The following COG5 variants were observed in gnomAD, a reference collection of about 807,000 sequenced individuals.
COG5 encodes the protein conserved oligomeric Golgi complex subunit 5.
COG5 carries 86 observed loss-of-function variants against 110.4 expected under a neutral mutation model. The observed-to-expected ratio is 0.78, with a 90% confidence interval of 0.65 to 0.93. COG5 has a LOEUF of 0.93. Ranked by LOEUF, COG5 falls within the 40% of genes least tolerant of loss-of-function variation. The pLI, the probability that COG5 is intolerant of heterozygous loss-of-function variation, is 0.00. For missense variants in COG5, 1,077 were observed against 987.0 expected, an observed-to-expected ratio of 1.09 and a Z score of -1.22; for synonymous variants, 360 against 334.6, an observed-to-expected ratio of 1.08 and a Z score of -0.83.
At chr7:107,355,307 T>C (rs1812526413) in intron 10 of COG5, among the ~76,000 whole-genome samples, 1 of 152,212 alleles carries the variant, frequency 6.6e-6, no homozygotes. Context: ...TCTCTTTCTT[T>C]GCTAATGGGA....
At chr7:107,467,078 C>A (rs1796334729) in intron 6 of COG5, among the ~76,000 whole-genome samples, 6 of 152,084 alleles carry the variant, frequency 3.9e-5, no homozygotes, top group Admixed American at 3.9e-4. Context: ...AAAACAAATA[C>A]ATAAAATTAG....
intron 5 of COG5, among the ~76,000 whole-genome samples, chr7:107,536,744 C>A (rs566676501): frequency 1.3e-5 from 2 of 152,134 alleles, no homozygotes. Context: ...ACATTCTTCA[C>A]AGAATTAGAA....
chr7:107,561,077 TAAAG>T (rs1414486764), intron 1 of COG5, among the ~76,000 whole-genome samples: 1 of 151,950 alleles, frequency 6.6e-6, no homozygotes, highest in Non-Finnish European at 1.5e-5. Flanking sequence ...AAAGAAGGGA[TAAAG>T]AAAGTAAGTA....
intron 12 of COG5, among the ~76,000 whole-genome samples, chr7:107,296,556 A>G (rs1392448535): frequency 1.5e-5 from 2 of 137,272 alleles, no homozygotes; most frequent in Non-Finnish European, 3.2e-5. Flanking sequence ...TATCATGGCC[A>G]TTTATTTTGC....
intron 6 of COG5, among the ~76,000 whole-genome samples, chr7:107,418,877 C>G (rs752011603): frequency 1.3e-4 from 19 of 151,974 alleles, no homozygotes; most frequent in Non-Finnish European, 2.4e-4. Context: ...GGGGTTCAAG[C>G]GATTCTGCTG....
At chr7:107,275,899 C>T (rs143228051) in intron 14 of COG5, among the ~76,000 whole-genome samples, 1 of 152,102 alleles carries the variant, frequency 6.6e-6, no homozygotes, top group Non-Finnish European at 1.5e-5. Flanking sequence ...TTAAATATCA[C>T]ACATGTATGT....
intron 6 of COG5, among the ~76,000 whole-genome samples, chr7:107,434,667 A>G (rs892156855): frequency 1.3e-5 from 2 of 152,206 alleles, no homozygotes; most frequent in Admixed American, 1.3e-4. Context: ...ATAGGATATT[A>G]GCCTTAAAAA....
intron 6 of COG5, among the ~76,000 whole-genome samples, chr7:107,466,613 C>G (rs1251838613): frequency 4.6e-5 from 7 of 152,182 alleles, no homozygotes; most frequent in African/African-American, 1.7e-4. Flanking sequence ...CTACTCCCCA[C>G]TTGATGGAAG....
At position 107,201,793 on chromosome 7, in the gene COG5, A is replaced by G. The variant is rs1584513137; in HGVS notation, c.*1723T>C. 1.6e-5 allele frequency: 3 copies of G among 189,096 alleles called. No individual in the cohort carries two copies. The East Asian group carries it at 3.9e-4, about 25-fold the overall frequency. The allele number at this position is 189,096 out of a possible 1,614,324, so 11.7% of individuals were successfully genotyped here. ...ATTGTACGAAAGGGGAATTTAAAAA[A>G]TATGTAACTGCTGTTTATACATTGG... On this transcript the variant is annotated 3_prime_UTR_variant, in exon 22 of 22. Coordinates refer to ENST00000297135, the MANE Select transcript of COG5 (RefSeq NM_006348.5).
At chr7:107,345,499 A>G (rs968583003) in intron 10 of COG5, among the ~76,000 whole-genome samples, 12 of 152,342 alleles carry the variant, frequency 7.9e-5, no homozygotes, top group African/African-American at 2.9e-4. Flanking sequence ...CAATTTATAT[A>G]AGGTATCTAA....
chr7:107,528,659 G>C (rs2129158046), intron 5 of COG5, among the ~76,000 whole-genome samples: 1 of 152,290 alleles, frequency 6.6e-6, no homozygotes, highest in East Asian at 1.9e-4. Context: ...AGGAAAGAGA[G>C]ACATTCCATA....
intron 6 of COG5, chr7:107,475,272 T>C (rs1329533419): frequency 3.7e-6 from 6 of 1,600,790 alleles, no homozygotes. Flanking sequence ...TACACAACTC[T>C]TGGATAGATC....
At chr7:107,335,982 C>T (rs1037282335) in intron 10 of COG5, among the ~76,000 whole-genome samples, 2 of 151,984 alleles carry the variant, frequency 1.3e-5, no homozygotes, top group Admixed American at 6.6e-5. Context: ...AAAACGTTAA[C>T]GTATCTAAAA....
At chr7:107,378,609 C>T (rs531228174) in intron 7 of COG5, among the ~76,000 whole-genome samples, 12 of 152,112 alleles carry the variant, frequency 7.9e-5, no homozygotes, top group Non-Finnish European at 1.3e-4. Context: ...AAACACAGCA[C>T]GAGAACTTCA....
At chr7:107,416,940 T>C (rs1406479129) in intron 6 of COG5, among the ~76,000 whole-genome samples, 2 of 152,202 alleles carry the variant, frequency 1.3e-5, no homozygotes, top group African/African-American at 2.4e-5. Flanking sequence ...GGGGAAATTA[T>C]ATAACCCCAT....
intron 6 of COG5, among the ~76,000 whole-genome samples, chr7:107,414,039 GAT>G (rs1563019577): frequency 6.6e-6 from 1 of 152,178 alleles, no homozygotes. Context: ...TATTCAAAGA[GAT>G]AGTATTCCTC....
intron 6 of COG5, among the ~76,000 whole-genome samples, chr7:107,464,776 A>G (rs144058539): frequency 2.6e-5 from 4 of 152,258 alleles, no homozygotes; most frequent in South Asian, 2.1e-4. Context: ...TATGAGCATG[A>G]TATCAGTGAA....
Position 107,324,520 on chromosome 7 carries a change from T to C in COG5, c.1028A>G (p.Asp343Gly). 3.8e-6 allele frequency: 6 copies of C among 1,598,094 alleles called. No individual in the cohort carries two copies. The highest frequency in any genetic ancestry group is 5.1e-6 in the Non-Finnish European group (6 of 1,170,636). ...HICFIEEIVK[D>G]GQPEIFYTFW... The stretch of plus-strand genomic sequence containing the variant: ...TGTGTAGAAAATTTCCGGTTGTCCA[T>C]CCTGTGAAGAACAAACAAAAATTTT... The change falls in exon 11 of 22, where the codon GAT becomes GGT. Residue 343 changes from aspartate (D) to glycine (G), a missense_variant and splice_region_variant. Transcript: ENST00000297135.
chr7:107,401,909 T>C (rs1791459619), intron 7 of COG5, among the ~76,000 whole-genome samples: 1 of 152,224 alleles, frequency 6.6e-6, no homozygotes, highest in Non-Finnish European at 1.5e-5. Context: ...GTGTTCAACT[T>C]TAAGAGGACC....
Sources: gnomAD v4.1 joint callset for allele counts (sites outside exome capture counted in the v4.1 genomes callset) on GRCh38, gnomAD v4.1.1 for gene constraint, MANE v1.5 for transcripts, NCBI Gene and HGNC (gene_info 2026-07-23, HGNC 2026-07-21) for gene names.